Variants in ALK observed in about 807,000 individuals in gnomAD.
The protein encoded by ALK is ALK receptor tyrosine kinase, also known as ALK tyrosine kinase receptor.
ALK carries 74 observed loss-of-function variants against 163.1 expected under a neutral mutation model. The ratio of observed to expected loss-of-function variants is 0.45; its 90% CI spans 0.38 to 0.55. The LOEUF (loss-of-function observed/expected upper bound fraction) is 0.55, where lower values mean the gene tolerates loss of function less well. Among genes scored for constraint, ALK ranks in the 20% least tolerant of loss-of-function variants. The pLI is 0.00. For synonymous variants in ALK, 960 were observed against 843.2 expected, an observed-to-expected ratio of 1.14 and a Z score of -2.40; for missense variants, 2,063 against 2,105.3, an observed-to-expected ratio of 0.98 and a Z score of 0.39.
chr2:29,202,645 A>C (rs1464718739), intron 26 of ALK, among the ~76,000 whole-genome samples: 1 of 151,830 alleles, frequency 6.6e-6, no homozygotes, highest in Non-Finnish European at 1.5e-5. Flanking sequence ...ATGATATCCT[A>C]CTCCTTTTTG....
chr2:29,389,977 G>A (rs1223492085), intron 4 of ALK, among the ~76,000 whole-genome samples: 1 of 152,098 alleles, frequency 6.6e-6, no homozygotes, highest in Non-Finnish European at 1.5e-5. Context: ...GGTCAGGCTT[G>A]GACCAAGTCA....
At chr2:29,300,039 G>A (rs1472461060) in intron 8 of ALK, among the ~76,000 whole-genome samples, 1 of 152,188 alleles carries the variant, frequency 6.6e-6, no homozygotes, top group Admixed American at 6.5e-5. Flanking sequence ...AGGCAAGGTG[G>A]CAGCATCGGG....
intron 4 of ALK, among the ~76,000 whole-genome samples, chr2:29,463,711 T>C (rs574047142): frequency 5.3e-5 from 8 of 152,068 alleles, no homozygotes; most frequent in Non-Finnish European, 8.8e-5. Context: ...GGATGGGAGA[T>C]GTAGGGGAGA....
intron 1 of ALK, among the ~76,000 whole-genome samples, chr2:29,879,488 G>A (rs1428231450): frequency 2.0e-5 from 3 of 152,144 alleles, no homozygotes; most frequent in African/African-American, 7.2e-5. Flanking sequence ...ACTGTCTATG[G>A]CAACCTGTTT....
intron 9 of ALK, 131 bp from the exon 10 acceptor site, chr2:29,275,627 G>A: frequency 3.4e-6 from 3 of 871,688 alleles, no homozygotes; most frequent in Non-Finnish European, 3.8e-6. Context: ...TAATCCCAGA[G>A]CAGTGGCGAG....
chr2:29,376,463 G>A (rs1303084224), intron 5 of ALK, among the ~76,000 whole-genome samples: 2 of 152,192 alleles, frequency 1.3e-5, no homozygotes, highest in African/African-American at 4.8e-5. Flanking sequence ...AATGTTAAAG[G>A]AACCACACCA....
intron 3 of ALK, among the ~76,000 whole-genome samples, chr2:29,613,943 G>T (rs1409587203): frequency 6.6e-6 from 1 of 152,084 alleles, no homozygotes; most frequent in Non-Finnish European, 1.5e-5. Context: ...AGGGACTAAT[G>T]GGCAATGAAA....
At chr2:29,222,231 G>C (rs2148168139) in intron 22 of ALK, 113 bp downstream of exon 22, 1 of 932,946 alleles carries the variant, frequency 1.1e-6, no homozygotes, top group Non-Finnish European at 1.7e-6. Flanking sequence ...GAGAAAAGGG[G>C]ACATGCTAGG....
At chr2:29,437,188 C>T (rs1018335043) in intron 4 of ALK, among the ~76,000 whole-genome samples, 1 of 152,096 alleles carries the variant, frequency 6.6e-6, no homozygotes, top group Non-Finnish European at 1.5e-5. Context: ...AACTTCTTTC[C>T]CCCTTTATGT....
At chr2:29,727,630 C>G (rs879314274) in intron 1 of ALK, among the ~76,000 whole-genome samples, 37 of 152,296 alleles carry the variant, frequency 2.4e-4, no homozygotes, top group Admixed American at 2.2e-3. Flanking sequence ...GAAAGGTACA[C>G]TAGAAATCCT....
intron 8 of ALK, among the ~76,000 whole-genome samples, chr2:29,317,177 G>T (rs1486591968): frequency 6.6e-6 from 1 of 152,212 alleles, no homozygotes; most frequent in Non-Finnish European, 1.5e-5. Context: ...ATTAGCCACA[G>T]AAGGAGAAGT....
At chr2:29,532,345 A>T (rs906094619) in intron 3 of ALK, among the ~76,000 whole-genome samples, 2 of 152,230 alleles carry the variant, frequency 1.3e-5, no homozygotes, top group Non-Finnish European at 2.9e-5. Flanking sequence ...ATAATCAGGC[A>T]GACCAAGGTT....
intron 1 of ALK, among the ~76,000 whole-genome samples, chr2:29,735,599 T>C (rs1679869276): frequency 6.6e-6 from 1 of 151,994 alleles, no homozygotes; most frequent in African/African-American, 2.4e-5. Context: ...CCAAATCTCA[T>C]CTTGAATTGT....
chr2:29,214,806 G>T (rs117580822), intron 23 of ALK, among the ~76,000 whole-genome samples: 2 of 152,122 alleles, frequency 1.3e-5, no homozygotes, highest in Admixed American at 1.3e-4. Context: ...TGACGTGTGC[G>T]GCAGCTCAGC....
At chr2:29,480,541 TTGTC>T (rs1469737401) in intron 4 of ALK, among the ~76,000 whole-genome samples, 1 of 152,162 alleles carries the variant, frequency 6.6e-6, no homozygotes, top group Admixed American at 6.5e-5. Flanking sequence ...TCCTAGGTGA[TTGTC>T]TGTTATATTT....
chr2:29,829,059 G>T (rs561084232), intron 1 of ALK, among the ~76,000 whole-genome samples: 3 of 150,226 alleles, frequency 2.0e-5, no homozygotes, highest in East Asian at 2.0e-4. Context: ...GCAAACTATC[G>T]CAAGGACAAA....
At chr2:29,446,568 C>G (rs908822047) in intron 4 of ALK, among the ~76,000 whole-genome samples, 4 of 152,154 alleles carry the variant, frequency 2.6e-5, no homozygotes, top group African/African-American at 9.7e-5. Context: ...TCTGGGTTGT[C>G]GGAGCTTCTT....
intron 12 of ALK, among the ~76,000 whole-genome samples, chr2:29,250,480 C>T (rs892264142): frequency 1.3e-5 from 2 of 152,152 alleles, no homozygotes; most frequent in African/African-American, 2.4e-5. Flanking sequence ...CCTGCAGAAC[C>T]AGATGCTGCA....
Position 29,672,327 on chromosome 2 carries a change from TC to T in ALK, c.952+22522del, listed in dbSNP as rs1235442766. Among the ~76,000 whole-genome samples, 6 of 147,686 alleles carry T rather than the reference TC, an allele frequency of 4.1e-5. No individual in the cohort carries two copies. In the East Asian group the frequency reaches 8.0e-4, roughly 20 times the overall value. The stretch of plus-strand genomic sequence containing the variant: ...ATCTCCCAATGCTATCCCTCCCCCT[TC>T]CCCCCACCCCACAACAGTCCCCAGA... On this transcript the variant is annotated intron_variant, in intron 3 of 28. Transcript: ENST00000389048.
Sources: gnomAD v4.1 joint callset for allele counts (sites outside exome capture counted in the v4.1 genomes callset) on GRCh38, gnomAD v4.1.1 for gene constraint, MANE v1.5 for transcripts, NCBI Gene and HGNC (gene_info 2026-07-23, HGNC 2026-07-21) for gene names.